PDE4B: variants seen among roughly 807,000 people sequenced by gnomAD.
PDE4B encodes phosphodiesterase 4B, also known as 3',5'-cyclic-AMP phosphodiesterase 4B.
PDE4B carries 20 observed loss-of-function variants against 82.2 expected under a neutral mutation model. The ratio of observed to expected loss-of-function variants is 0.24; its 90% CI spans 0.17 to 0.35. The LOEUF (loss-of-function observed/expected upper bound fraction) is 0.35. PDE4B is among the 10% of genes least tolerant of loss of function. PDE4B has a pLI of 1.00. For synonymous variants in PDE4B, 320 were observed against 318.9 expected, an observed-to-expected ratio of 1.00 and a Z score of -0.04; for missense variants, 655 against 907.2, an observed-to-expected ratio of 0.72 and a Z score of 3.57.
At chr1:66,261,303 A>G (rs1361282754) in intron 6 of PDE4B, among the ~76,000 whole-genome samples, 1 of 152,174 alleles carries the variant, frequency 6.6e-6, no homozygotes, top group East Asian at 1.9e-4. Context: ...ACTGAAGACA[A>G]TAATGTTTGG....
At chr1:66,195,081 A>G (rs917829936) in intron 3 of PDE4B, among the ~76,000 whole-genome samples, 1 of 152,148 alleles carries the variant, frequency 6.6e-6, no homozygotes, top group Admixed American at 6.6e-5. Flanking sequence ...AAATCTACAC[A>G]TGAGTTTCCT....
intron 3 of PDE4B, among the ~76,000 whole-genome samples, chr1:66,173,776 G>A (rs745661070): frequency 4.6e-5 from 7 of 152,096 alleles, no homozygotes; most frequent in Non-Finnish European, 5.9e-5. Context: ...GACTTACTTG[G>A]GTTTTTTTGT....
chr1:66,309,114 G>A (rs1658492015), intron 7 of PDE4B, among the ~76,000 whole-genome samples: 1 of 152,170 alleles, frequency 6.6e-6, no homozygotes. Context: ...ACTATTCTTG[G>A]TTGTTTGGAA....
chr1:65,896,421 A>C (rs34904501), intron 1 of PDE4B, among the ~76,000 whole-genome samples: 1 of 152,058 alleles, frequency 6.6e-6, no homozygotes, highest in Non-Finnish European at 1.5e-5. Context: ...GACATATGGG[A>C]ATTATGGAGC....
At chr1:66,310,345 A>G (rs1335274880) in intron 7 of PDE4B, among the ~76,000 whole-genome samples, 1 of 152,094 alleles carries the variant, frequency 6.6e-6, no homozygotes, top group East Asian at 1.9e-4. Flanking sequence ...CCAGTTCAGA[A>G]CACTTTCTTC....
intron 3 of PDE4B, among the ~76,000 whole-genome samples, chr1:66,146,349 A>G (rs1368337136): frequency 1.3e-5 from 2 of 151,486 alleles, no homozygotes; most frequent in African/African-American, 4.9e-5. Flanking sequence ...ATGCCTGGCT[A>G]TTTTTTTGTA....
At chr1:66,035,687 T>C (rs1395035730) in intron 3 of PDE4B, among the ~76,000 whole-genome samples, 2 of 152,216 alleles carry the variant, frequency 1.3e-5, no homozygotes, top group African/African-American at 4.8e-5. Flanking sequence ...CTGAAAAGTA[T>C]TCCATTGTGT....
chr1:66,047,863 A>T (rs1654800272), intron 3 of PDE4B, among the ~76,000 whole-genome samples: 1 of 152,082 alleles, frequency 6.6e-6, no homozygotes, highest in South Asian at 2.1e-4. Context: ...TCCTGTCCTG[A>T]CAAGGGAAGT....
intron 3 of PDE4B, among the ~76,000 whole-genome samples, chr1:65,981,402 A>G (rs1323423100): frequency 1.3e-5 from 2 of 152,198 alleles, no homozygotes; most frequent in African/African-American, 2.4e-5. Flanking sequence ...TTTGTTGCTT[A>G]TTCAAATTGC....
chr1:66,199,456 G>C (rs925686760), intron 3 of PDE4B, among the ~76,000 whole-genome samples: 1 of 151,452 alleles, frequency 6.6e-6, no homozygotes, highest in Non-Finnish European at 1.5e-5. Context: ...TTTTTGTTTT[G>C]TTTGTTTGTT....
chr1:65,972,773 A>G (rs1240194848), intron 3 of PDE4B, among the ~76,000 whole-genome samples: 1 of 152,142 alleles, frequency 6.6e-6, no homozygotes, highest in Non-Finnish European at 1.5e-5. Context: ...ATTTAGATGC[A>G]GTTCCACTGT....
chr1:66,141,191 C>T (rs553971830), intron 3 of PDE4B, among the ~76,000 whole-genome samples: 5 of 151,664 alleles, frequency 3.3e-5, no homozygotes, highest in African/African-American at 1.2e-4. Context: ...CTGCCATTAC[C>T]TAAGCACTGA....
intron 3 of PDE4B, among the ~76,000 whole-genome samples, chr1:66,136,697 C>CAAAAAAAAAA (rs5774802): frequency 1.6e-5 from 1 of 61,564 alleles, no homozygotes. Context: ...GACTCCCTCT[C>CAAAAAAAAAA]AAAAAAAAAA....
chr1:66,266,808 G>A (rs1655080417), intron 7 of PDE4B: 2 of 432,810 alleles, frequency 4.6e-6, no homozygotes, highest in Non-Finnish European at 9.4e-6. Context: ...ATTTGTTAAA[G>A]TCCAAATAAT....
chr1:65,795,040 A>G (rs1028498213), intron 1 of PDE4B, among the ~76,000 whole-genome samples: 10 of 152,230 alleles, frequency 6.6e-5, no homozygotes. Flanking sequence ...GGAATAAGAA[A>G]TCAATCATAC....
At chr1:66,371,277 G>T (rs1012909882) in intron 16 of PDE4B, among the ~76,000 whole-genome samples, 18 of 150,596 alleles carry the variant, frequency 1.2e-4, no homozygotes, top group Admixed American at 7.3e-4. Context: ...AATGTCCCAT[G>T]GGTGGGTGCC....
chr1:65,801,506 C>T (rs1645694462), intron 1 of PDE4B, among the ~76,000 whole-genome samples: 1 of 152,052 alleles, frequency 6.6e-6, no homozygotes, highest in South Asian at 2.1e-4. Context: ...GTACTTTGTA[C>T]CAATACTTTC....
At chr1:66,289,393 G>T (rs1017066967) in intron 7 of PDE4B, among the ~76,000 whole-genome samples, 2 of 152,140 alleles carry the variant, frequency 1.3e-5, no homozygotes, top group Non-Finnish European at 2.9e-5. Flanking sequence ...GCACGGTATT[G>T]CTCAGATGGA....
At chr1:66,125,053 A>ATTT in intron 3 of PDE4B, among the ~76,000 whole-genome samples, 1 of 132,266 alleles carries the variant, frequency 7.6e-6, no homozygotes, top group East Asian at 2.2e-4. Context: ...TTACCTTACT[A>ATTT]TTTTTTTTTT....
Sources: gnomAD v4.1 joint callset for allele counts (sites outside exome capture counted in the v4.1 genomes callset) on GRCh38, gnomAD v4.1.1 for gene constraint, MANE v1.5 for transcripts, NCBI Gene and HGNC (gene_info 2026-07-23, HGNC 2026-07-21) for gene names.